LPP: variants seen among roughly 807,000 people sequenced by gnomAD.
LPP encodes lipoma-preferred partner.
LPP carries 38 observed loss-of-function variants against 60.4 expected under a neutral mutation model. That is an observed-to-expected ratio of 0.63 (90% CI 0.49 to 0.83). The LOEUF (loss-of-function observed/expected upper bound fraction) is 0.83. Ranked by LOEUF, LPP falls within the 40% of genes least tolerant of loss-of-function variation. The pLI is 0.00. For missense variants in LPP, 902 were observed against 783.6 expected (o/e 1.15, Z -1.80); for synonymous variants, 328 against 290.8 (o/e 1.13, Z -1.30).
chr3:188,276,675 CTCTCTCTCTCTCTCTCTCTT>C (rs1294991271), intron 2 of LPP, among the ~76,000 whole-genome samples: 3,205 of 22,908 alleles, frequency 0.14, 68 homozygotes, highest in African/African-American at 0.34. Flanking sequence ...CTCTGTCTCT[CTCTCTCTCTCTCTCTCTCTT>C]TCTCTCTCTC....
chr3:188,748,471 C>G (rs1358292946), intron 8 of LPP, among the ~76,000 whole-genome samples: 1 of 152,084 alleles, frequency 6.6e-6, no homozygotes, highest in African/African-American at 2.4e-5. Context: ...CTTGAGTAGT[C>G]TGTGGTGTTT....
At chr3:188,208,812 C>A (rs1456463141) in intron 1 of LPP, among the ~76,000 whole-genome samples, 1 of 152,226 alleles carries the variant, frequency 6.6e-6, no homozygotes, top group Non-Finnish European at 1.5e-5. Flanking sequence ...ATAGACATAA[C>A]CCCGTAGAAC....
intron 4 of LPP, among the ~76,000 whole-genome samples, chr3:188,482,534 T>G (rs967107591): frequency 2.6e-5 from 4 of 152,176 alleles, no homozygotes; most frequent in Non-Finnish European, 5.9e-5. Context: ...TTCGAATCCC[T>G]TAGGTTTTAT....
chr3:188,324,668 A>G (rs1318922712), intron 2 of LPP, among the ~76,000 whole-genome samples: 1 of 152,206 alleles, frequency 6.6e-6, no homozygotes, highest in Admixed American at 6.5e-5. Context: ...GACTATGGCA[A>G]TAGTCTCTGA....
At chr3:188,829,455 C>T (rs1756546674) in intron 9 of LPP, among the ~76,000 whole-genome samples, 1 of 152,186 alleles carries the variant, frequency 6.6e-6, no homozygotes. Context: ...AACCTCTATG[C>T]ATGCCCCATA....
At chr3:188,300,196 G>T (rs1241707125) in intron 2 of LPP, among the ~76,000 whole-genome samples, 1 of 151,286 alleles carries the variant, frequency 6.6e-6, no homozygotes, top group African/African-American at 2.4e-5. Context: ...AGGGTTGTGT[G>T]TGTTTATTTT....
chr3:188,293,857 G>A (rs1169028940), intron 2 of LPP, among the ~76,000 whole-genome samples: 1 of 151,930 alleles, frequency 6.6e-6, no homozygotes, highest in African/African-American at 2.4e-5. Flanking sequence ...TTGAGGTCAG[G>A]AGTTCGAGAC....
chr3:188,658,157 T>TTTAGTTTAGTTTAGTTTAGTTTAGTTTAG (rs1560021720), intron 7 of LPP, among the ~76,000 whole-genome samples: 18 of 152,086 alleles, frequency 1.2e-4, no homozygotes, highest in South Asian at 4.1e-4. Context: ...TTTAGTTTAG[T>TTTAGTTTAGTTTAGTTTAGTTTAGTTTAG]TTTAACGACA....
chr3:188,332,963 T>A (rs570072811), intron 2 of LPP, among the ~76,000 whole-genome samples: 211 of 144,352 alleles, frequency 1.5e-3, no homozygotes, highest in Non-Finnish European at 2.3e-3. Context: ...TTCTTTTCAA[T>A]AAGGAAGCAT....
intron 6 of LPP, among the ~76,000 whole-genome samples, chr3:188,598,302 A>G (rs67552064): frequency 0.29 from 43,460 of 151,812 alleles, 6,597 homozygotes; most frequent in Non-Finnish European, 0.33. Context: ...TGAGTTCTTA[A>G]AATTTGATTT....
At chr3:188,403,848 A>G (rs1313974892) in intron 3 of LPP, among the ~76,000 whole-genome samples, 3 of 152,184 alleles carry the variant, frequency 2.0e-5, no homozygotes, top group Non-Finnish European at 2.9e-5. Flanking sequence ...ACTCAAGTTT[A>G]GCAAGTATGT....
At chr3:188,794,408 G>T (rs55906445) in intron 9 of LPP, among the ~76,000 whole-genome samples, 18,884 of 152,122 alleles carry the variant, frequency 0.12, 1,695 homozygotes, top group Non-Finnish European at 0.19. Context: ...AGGTGAATTT[G>T]TATTTTGTTC....
intron 5 of LPP, among the ~76,000 whole-genome samples, chr3:188,493,976 T>G (rs535291471): frequency 6.6e-6 from 1 of 152,290 alleles, no homozygotes; most frequent in East Asian, 1.9e-4. Context: ...AAAACTGAAT[T>G]TGGGGAGAGT....
chr3:188,329,963 C>A (rs981381430), intron 2 of LPP, among the ~76,000 whole-genome samples: 6 of 152,176 alleles, frequency 3.9e-5, no homozygotes, highest in South Asian at 2.1e-4. Context: ...TATAACCCAT[C>A]TTACTAGGCA....
At chr3:188,807,350 A>G (rs1317680113) in intron 9 of LPP, among the ~76,000 whole-genome samples, 3 of 152,038 alleles carry the variant, frequency 2.0e-5, no homozygotes, top group Admixed American at 6.6e-5. Flanking sequence ...TAGTGTTTGT[A>G]TATATCCTGT....
intron 2 of LPP, chr3:188,240,263 G>A (rs1202027361): frequency 1.2e-5 from 2 of 172,352 alleles, no homozygotes; most frequent in African/African-American, 2.4e-5. Flanking sequence ...AAAGTAGTGA[G>A]GGGGAACATG....
intron 6 of LPP, among the ~76,000 whole-genome samples, chr3:188,552,616 C>G (rs922778820): frequency 6.6e-6 from 1 of 152,122 alleles, no homozygotes; most frequent in Admixed American, 6.5e-5. Flanking sequence ...TAGTCATTAC[C>G]TTTCCCAGCT....
intron 5 of LPP, among the ~76,000 whole-genome samples, chr3:188,504,164 A>C (rs147978656): frequency 1.7e-3 from 251 of 152,094 alleles, no homozygotes; most frequent in Middle Eastern, 3.4e-3. Context: ...AGACTAATTA[A>C]TTTACTTTGA....
intron 5 of LPP, among the ~76,000 whole-genome samples, chr3:188,487,671 C>T (rs910803472): frequency 1.3e-5 from 2 of 152,160 alleles, no homozygotes; most frequent in South Asian, 2.1e-4. Context: ...GATGTGATAG[C>T]GGCTTGGTCC....
Sources: allele counts gnomAD v4.1 joint callset (sites outside exome capture counted in the v4.1 genomes callset), GRCh38; gene constraint gnomAD v4.1.1; transcripts MANE v1.5; gene names NCBI Gene and HGNC (gene_info 2026-07-23, HGNC 2026-07-21).